Variants in TEAD1 observed in about 807,000 individuals in gnomAD.
TEAD1 encodes the protein TEA domain transcription factor 1, also known as transcriptional enhancer factor TEF-1.
TEAD1 carries 9 observed loss-of-function variants against 54.9 expected under a neutral mutation model. The observed-to-expected ratio is 0.16, with a 90% CI of 0.10 to 0.29. TEAD1 has a LOEUF of 0.29. Among genes scored for constraint, TEAD1 ranks in the 10% least tolerant of loss-of-function variants. The pLI is 1.00. For synonymous variants in TEAD1, 200 were observed against 187.8 expected (o/e 1.07, Z -0.53); for missense variants, 387 against 535.9 (o/e 0.72, Z 2.74).
intron 2 of TEAD1, among the ~76,000 whole-genome samples, chr11:12,750,221 T>C (rs1944840585): frequency 1.3e-5 from 2 of 152,170 alleles, no homozygotes; most frequent in Admixed American, 6.5e-5. Flanking sequence ...GGTTCCCATG[T>C]TGGGCTCGAG....
chr11:12,856,309 T>C (rs539581610), intron 3 of TEAD1, among the ~76,000 whole-genome samples: 31 of 152,242 alleles, frequency 2.0e-4, no homozygotes, highest in African/African-American at 6.7e-4. Context: ...CTTTATGACT[T>C]GGTTGCAATC....
chr11:12,710,323 C>T (rs1943909031), intron 2 of TEAD1, among the ~76,000 whole-genome samples: 4 of 151,472 alleles, frequency 2.6e-5, no homozygotes, highest in Non-Finnish European at 5.9e-5. Context: ...GACCCTGTCT[C>T]AAAATTAAAA....
At chr11:12,743,030 C>A (rs1192685456) in intron 2 of TEAD1, among the ~76,000 whole-genome samples, 1 of 152,180 alleles carries the variant, frequency 6.6e-6, no homozygotes, top group African/African-American at 2.4e-5. Flanking sequence ...AGGCTAGCAC[C>A]TTCTTGGTTT....
intron 10 of TEAD1, among the ~76,000 whole-genome samples, chr11:12,907,826 C>T (rs1034589522): frequency 6.6e-6 from 1 of 152,196 alleles, no homozygotes; most frequent in Non-Finnish European, 1.5e-5. Context: ...TGCTAGACTC[C>T]AGAATCCATG....
chr11:12,690,592 G>A lies in TEAD1; in HGVS notation c.-55+15031G>A, dbSNP rs895479618. 3.9e-5 allele frequency among the ~76,000 whole-genome samples: 6 copies of A among 152,084 alleles called. No individual in the cohort carries two copies. The South Asian group carries it at 1.0e-3, about 26-fold the overall frequency. On this transcript the variant is annotated intron_variant, in intron 2 of 12. Coordinates refer to ENST00000527636, the MANE Select transcript of TEAD1 (RefSeq NM_021961.6). ...ATGTTGACATTTGATCTAATTCAGG[G>A]TTTTTAAAAACTTTTTTGATGCAAA...
intron 10 of TEAD1, among the ~76,000 whole-genome samples, chr11:12,905,686 T>A (rs1429009989): frequency 5.9e-5 from 9 of 152,234 alleles, no homozygotes; most frequent in Admixed American, 5.9e-4. Context: ...AGCAATATGC[T>A]TAGCAGATGT....
At chr11:12,798,091 G>A (rs1945974759) in intron 3 of TEAD1, among the ~76,000 whole-genome samples, 2 of 152,178 alleles carry the variant, frequency 1.3e-5, no homozygotes, top group Non-Finnish European at 1.5e-5. Context: ...TTATGTTGCA[G>A]TACTGCCCTG....
chr11:12,854,727 G>A (rs1447047988), intron 3 of TEAD1, among the ~76,000 whole-genome samples: 5 of 151,530 alleles, frequency 3.3e-5, no homozygotes, highest in Non-Finnish European at 5.9e-5. Flanking sequence ...GAGTACCTGG[G>A]ACCACAGGCA....
chr11:12,794,267 C>A (rs1335004762), intron 3 of TEAD1, among the ~76,000 whole-genome samples: 2 of 152,172 alleles, frequency 1.3e-5, no homozygotes, highest in East Asian at 3.9e-4. Context: ...TTTCTCTTCT[C>A]ACCAGGTCTG....
intron 3 of TEAD1, among the ~76,000 whole-genome samples, chr11:12,812,564 A>G (rs1830995595): frequency 6.6e-6 from 1 of 152,220 alleles, no homozygotes; most frequent in South Asian, 2.1e-4. Context: ...GTAAATATTT[A>G]AAAGTAAACT....
intron 9 of TEAD1, among the ~76,000 whole-genome samples, chr11:12,895,203 C>CA (rs903152223): frequency 1.2e-4 from 19 of 152,116 alleles, no homozygotes; most frequent in African/African-American, 4.1e-4. Flanking sequence ...TTATTAACCC[C>CA]CCCCGGGTAT....
Position 12,764,088 on chromosome 11 carries a change from G to T in TEAD1, c.-54-91G>T, listed in dbSNP as rs1313390585. 18 of 782,384 alleles carry T rather than the reference G, an allele frequency of 2.3e-5. No individual in the cohort carries two copies. In the East Asian group the frequency reaches 4.4e-4, roughly 19 times the overall value. The allele number at this position is 782,384 out of a possible 1,614,324, so 48.5% of individuals were successfully genotyped here. On this transcript the variant is annotated intron_variant, in intron 2 of 12. Transcript: ENST00000527636. ...GAAATAATAAAATGAAATGAAAAAA[G>T]CTGGTGACTGAAGAACTTGCACTAG...
At chr11:12,876,288 G>T (rs76201105) in intron 5 of TEAD1, among the ~76,000 whole-genome samples, 4,402 of 152,190 alleles carry the variant, frequency 0.029, 227 homozygotes, top group African/African-American at 0.1. Flanking sequence ...TATCAAACTT[G>T]TTTGAAGATT....
intron 5 of TEAD1, chr11:12,865,180 CTT>C (rs1947592577): frequency 4.2e-6 from 2 of 472,776 alleles, no homozygotes; most frequent in African/African-American, 3.9e-5. Context: ...GTCTTGATAA[CTT>C]TTCAGCACAG....
intron 12 of TEAD1, among the ~76,000 whole-genome samples, chr11:12,936,227 T>TC (rs1480792428): frequency 6.6e-6 from 1 of 151,818 alleles, no homozygotes; most frequent in Non-Finnish European, 1.5e-5. Context: ...CAGAAAGGAG[T>TC]CAGGGTCTGT....
At chr11:12,929,264 T>C (rs2727356) in intron 11 of TEAD1, among the ~76,000 whole-genome samples, 94,537 of 150,776 alleles carry the variant, frequency 0.63, 29,855 homozygotes, top group South Asian at 0.73. Flanking sequence ...TAATTGTGGT[T>C]TTGCCACTTT....
At position 12,943,431 on chromosome 11, in the gene TEAD1, C is replaced by T. The variant is rs1390707711; in HGVS notation, c.*6209C>T. 1 of 152,604 alleles carries T rather than the reference C, an allele frequency of 6.6e-6. No individual in the cohort carries two copies. Among genetic ancestry groups the T allele is most frequent in the African/African-American group, 2.4e-5 (1 of 41,434 alleles). 9.5% of individuals were successfully genotyped at this position (152,604 alleles called of 1,614,324 possible). A position where few individuals can be genotyped will look rare whatever the true frequency, so the allele number is the denominator to read the frequency against. ...TTTGTGTTTAAAATTTATTGCATTG[C>T]AAAGGGTAGTTTCACTGAAGTCATG... On this transcript the variant is annotated 3_prime_UTR_variant, in exon 13 of 13. Transcript: ENST00000527636.
intron 10 of TEAD1, among the ~76,000 whole-genome samples, chr11:12,923,089 A>G (rs907524910): frequency 6.6e-6 from 1 of 152,086 alleles, no homozygotes; most frequent in Non-Finnish European, 1.5e-5. Flanking sequence ...ATATATATAC[A>G]TACTTTCTGC....
At chr11:12,729,680 G>A (rs940566000) in intron 2 of TEAD1, among the ~76,000 whole-genome samples, 1 of 152,192 alleles carries the variant, frequency 6.6e-6, no homozygotes, top group Admixed American at 6.5e-5. Flanking sequence ...TGTGGAGATG[G>A]TGCTTGGGCC....
Sources: gnomAD v4.1 joint callset for allele counts (sites outside exome capture counted in the v4.1 genomes callset) on GRCh38, gnomAD v4.1.1 for gene constraint, MANE v1.5 for transcripts, NCBI Gene and HGNC (gene_info 2026-07-23, HGNC 2026-07-21) for gene names.